Variants in CPED1 observed in about 807,000 individuals in gnomAD.
CPED1 encodes the protein cadherin like and PC-esterase domain containing 1.
Under a neutral mutation model 128.2 loss-of-function variants are expected in CPED1, and 114 were observed. That is an observed-to-expected ratio of 0.89 (90% CI 0.76 to 1.04). The LOEUF is 1.04. CPED1 is among the 50% of genes least tolerant of loss of function. CPED1 has a pLI of 0.00. For synonymous variants in CPED1, 462 were observed against 426.7 expected, an observed-to-expected ratio of 1.08 and a Z score of -1.02; for missense variants, 1,211 against 1,207.1, an observed-to-expected ratio of 1.00 and a Z score of -0.05.
intron 16 of CPED1, among the ~76,000 whole-genome samples, chr7:121,199,831 T>A (rs1200321700): frequency 6.6e-6 from 1 of 152,120 alleles, no homozygotes; most frequent in Non-Finnish European, 1.5e-5. Context: ...GCCACATTTT[T>A]TAAAAAAGTA....
At chr7:121,146,823 G>A (rs182320295) in intron 16 of CPED1, among the ~76,000 whole-genome samples, 5 of 152,144 alleles carry the variant, frequency 3.3e-5, no homozygotes, top group African/African-American at 1.2e-4. Context: ...TTAGCTCTTA[G>A]TTTAGTTAAT....
In CPED1 at chr7:121,266,690, T is replaced by G. The variant is rs798918; in HGVS notation, c.2532-17T>G. On this transcript the variant is annotated splice_polypyrimidine_tract_variant and intron_variant, in intron 19 of 22. Transcript: ENST00000310396. ...TGTTTTAGGGCAACATGTGTTGTTT[T>G]TCTTTCTGAATTTCAGATCACGTCC... 19 of 1,598,554 alleles carry G rather than the reference T, an allele frequency of 1.2e-5. No homozygotes were observed. In the South Asian group the frequency reaches 2.1e-4, roughly 18 times the overall value.
chr7:121,167,248 G>A (rs1309385322), intron 16 of CPED1, among the ~76,000 whole-genome samples: 4 of 152,144 alleles, frequency 2.6e-5, no homozygotes, highest in Non-Finnish European at 5.9e-5. Flanking sequence ...TTGTTAATAG[G>A]AAAAAAAGAA....
rs533043216 is a variant in CPED1 at position 121,246,341 on chromosome 7, G to C, written c.2310+2003G>C. 4.7e-4 allele frequency among the ~76,000 whole-genome samples: 71 copies of C among 152,232 alleles called. No homozygotes were observed. The Middle Eastern group carries it at 0.014, about 29-fold the overall frequency. The stretch of plus-strand genomic sequence containing the variant: ...AAGGCCCTCTTCCCTGTTTGTCTTA[G>C]CTCGAGCTGCTATAATAACATACAA... On this transcript the variant is annotated intron_variant, in intron 18 of 22. Coordinates refer to ENST00000310396, the MANE Select transcript of CPED1 (RefSeq NM_024913.5).
chr7:121,248,843 C>G (rs1313240805), intron 18 of CPED1, among the ~76,000 whole-genome samples: 1 of 152,062 alleles, frequency 6.6e-6, no homozygotes, highest in Non-Finnish European at 1.5e-5. Flanking sequence ...TATAAAATGA[C>G]TGAAATGATA....
intron 16 of CPED1, among the ~76,000 whole-genome samples, chr7:121,153,522 A>G (rs1044898596): frequency 3.3e-5 from 5 of 152,208 alleles, no homozygotes; most frequent in Non-Finnish European, 2.9e-5. Flanking sequence ...TATTAACTCA[A>G]TTCTCAAAAC....
chr7:121,117,098 T>TATATATATATATATATATATAA (rs1226906588), intron 7 of CPED1, among the ~76,000 whole-genome samples: 6 of 134,660 alleles, frequency 4.5e-5, no homozygotes, highest in African/African-American at 1.7e-4. Flanking sequence ...TATATATATA[T>TATATATATATATATATATATAA]AAATATATAT....
intron 22 of CPED1, among the ~76,000 whole-genome samples, chr7:121,281,222 T>C (rs1280007499): frequency 6.6e-6 from 1 of 152,200 alleles, no homozygotes; most frequent in East Asian, 1.9e-4. Flanking sequence ...ACTTCCCTTT[T>C]GTACTGGCTT....
intron 22 of CPED1, among the ~76,000 whole-genome samples, chr7:121,291,244 C>T (rs1490864022): frequency 6.6e-6 from 1 of 152,130 alleles, no homozygotes; most frequent in African/African-American, 2.4e-5. Flanking sequence ...TGTGATGCCT[C>T]CAGCTTTGTT....
intron 3 of CPED1, among the ~76,000 whole-genome samples, chr7:121,034,525 T>C (rs1792835099): frequency 1.3e-5 from 2 of 152,148 alleles, no homozygotes; most frequent in South Asian, 4.2e-4. Context: ...AGATTACAGG[T>C]GTGAGCCACT....
At chr7:121,184,699 T>C (rs1796966875) in intron 16 of CPED1, among the ~76,000 whole-genome samples, 1 of 151,994 alleles carries the variant, frequency 6.6e-6, no homozygotes, top group African/African-American at 2.4e-5. Context: ...GAACTGGAGG[T>C]GAGTGAACAA....
chr7:121,256,132 A>AAAAAAAAAAAAAAAC (rs1562852772), intron 18 of CPED1, among the ~76,000 whole-genome samples: 22 of 148,050 alleles, frequency 1.5e-4, no homozygotes, highest in African/African-American at 5.5e-4. Context: ...AACAAAACAA[A>AAAAAAAAAAAAAAAC]AAAAAAAAAC....
rs563441381 is a variant in CPED1, at chr7:121,108,573, T to C, written c.918+8479T>C. ...ATAAACTTGTGAGTATACATTTAAG[T>C]GAAGAAATGTACATTTTGTAATGTT... is the stretch of plus-strand genomic sequence containing the variant. On this transcript the variant is annotated intron_variant, in intron 7 of 22. Coordinates refer to ENST00000310396, the MANE Select transcript of CPED1 (RefSeq NM_024913.5). Among the ~76,000 whole-genome samples, 235 of 152,204 alleles carry C rather than the reference T, an allele frequency of 1.5e-3. 1 individual carries two copies. Among genetic ancestry groups the C allele is most frequent in the Non-Finnish European group, 2.0e-3 (138 of 67,972 alleles).
intron 16 of CPED1, among the ~76,000 whole-genome samples, chr7:121,161,206 A>G (rs1487089056): frequency 6.6e-6 from 1 of 152,156 alleles, no homozygotes; most frequent in Non-Finnish European, 1.5e-5. Flanking sequence ...CTCAAAATCT[A>G]AAAGTGTTGG....
rs1793425651 is a variant in CPED1, at chr7:121,053,870, A to AT, written c.540+6883dup. Among the ~76,000 whole-genome samples the AT allele has an allele frequency of 2.0e-5, 3 of 152,116 alleles. No homozygotes were observed. The South Asian group carries it at 6.2e-4, about 31-fold the overall frequency. On this transcript the variant is annotated intron_variant, in intron 4 of 22. Coordinates refer to ENST00000310396, the MANE Select transcript of CPED1 (RefSeq NM_024913.5). ...TATAAATCAGTACTATTGTTATTAAATTTTTTGTTGTTGCTCAAATTGTTC... is the reference window on the plus strand; with the variant it reads ...TATAAATCAGTACTATTGTTATTAAATTTTTTTGTTGTTGCTCAAATTGTTC...
chr7:121,103,967 A>C (rs1032276964), intron 7 of CPED1, among the ~76,000 whole-genome samples: 1 of 152,146 alleles, frequency 6.6e-6, no homozygotes, highest in Non-Finnish European at 1.5e-5. Context: ...AATAATGGAA[A>C]ATAGAAGCTT....
rs1792813526 is a variant in CPED1 at position 121,295,807 on chromosome 7, AAAT to A, written c.*159_*161del. 1.7e-6 allele frequency: 1 copy of A among 582,514 alleles called. No individual in the cohort carries two copies. The highest frequency in any genetic ancestry group is 3.1e-6 in the Non-Finnish European group (1 of 327,522). The allele number at this position is 582,514 out of a possible 1,614,324, so 36.1% of individuals were successfully genotyped here. ...CATGCACACCAGTACACACACAGTT[AAAT>A]AATGATAACACTTCTTACAGCTTTA... On this transcript the variant is annotated 3_prime_UTR_variant, in exon 23 of 23. Transcript: ENST00000310396.
chr7:121,203,567 C>T (rs1481833526), intron 16 of CPED1, among the ~76,000 whole-genome samples: 1 of 152,070 alleles, frequency 6.6e-6, no homozygotes. Context: ...TGGGCCTTTT[C>T]CTTAGTTAGG....
chr7:121,269,167 C>A (rs976401323), intron 21 of CPED1, among the ~76,000 whole-genome samples: 3 of 152,030 alleles, frequency 2.0e-5, no homozygotes, highest in African/African-American at 7.2e-5. Flanking sequence ...CTCCCTTCCT[C>A]CCGCTTCTTG....
Sources: gnomAD v4.1 joint callset for allele counts (sites outside exome capture counted in the v4.1 genomes callset) on GRCh38, gnomAD v4.1.1 for gene constraint, MANE v1.5 for transcripts, NCBI Gene and HGNC (gene_info 2026-07-23, HGNC 2026-07-21) for gene names.